Variants in BRCA2 observed in about 807,000 individuals in gnomAD.
The protein encoded by BRCA2 is breast cancer type 2 susceptibility protein.
Under a neutral mutation model 276.7 loss-of-function variants are expected in BRCA2, and 203 were observed. That is an observed-to-expected ratio of 0.73 (90% CI 0.65 to 0.82). The LOEUF (loss-of-function observed/expected upper bound fraction) is 0.82, where lower values mean the gene tolerates loss of function less well. Among genes scored for constraint, BRCA2 ranks in the 40% least tolerant of loss-of-function variants. The pLI is 0.00. For missense variants in BRCA2, 3,920 were observed against 3,915.0 expected (o/e 1.00, Z -0.03); for synonymous variants, 1,289 against 1,338.4 (o/e 0.96, Z 0.81).
At position 32,354,981 on chromosome 13, in the gene BRCA2, A is replaced by G. The variant is rs2137556149; in HGVS notation, c.7128A>G (p.Ala2376=). 6.2e-7 allele frequency: 1 copy of G among 1,613,608 alleles called. No homozygotes were observed. Among genetic ancestry groups the G allele is most frequent in the Non-Finnish European group, 8.5e-7 (1 of 1,179,600 alleles). Residue 2376 remains alanine, a synonymous_variant, in exon 14 of 27, where the codon GCA becomes GCG. Transcript: ENST00000380152. ...LTLEKSSSNL[A]VSGHPFYQVS... is the part of the protein sequence containing the mutation. ...TGGAAAAATCTTCAAGCAATTTAGCAGTTTCAGGACATCCATTTTATCAAG... is the reference window on the plus strand; with the variant it reads ...TGGAAAAATCTTCAAGCAATTTAGCGGTTTCAGGACATCCATTTTATCAAG...
chr13:32,351,824 CAGAGT>C (rs1460936515), intron 13 of BRCA2, among the ~76,000 whole-genome samples: 6 of 151,636 alleles, frequency 4.0e-5, no homozygotes, highest in African/African-American at 1.2e-4. Flanking sequence ...TATTTTGATA[CAGAGT>C]CTCACTCTGT....
Position 32,319,183 on chromosome 13 carries a change from A to G in BRCA2, c.174A>G (p.Glu58=), listed in dbSNP as rs924234502. 6.2e-7 allele frequency: 1 copy of G among 1,614,134 alleles called. No homozygotes were observed. ...EESEHKNNNY[E]PNLFKTPQRK... ...CTGAACATAAAAACAACAATTACGAACCAAACCTATTTAAAACTCCACAAA... is the reference window on the plus strand; with the variant it reads ...CTGAACATAAAAACAACAATTACGAGCCAAACCTATTTAAAACTCCACAAA... The change falls in exon 3 of 27, where the codon GAA becomes GAG. Residue 58 remains glutamate (E), a synonymous_variant. Coordinates refer to ENST00000380152, the MANE Select transcript of BRCA2 (RefSeq NM_000059.4).
intron 20 of BRCA2, among the ~76,000 whole-genome samples, chr13:32,373,618 C>T (rs2072851125): frequency 6.6e-6 from 1 of 152,236 alleles, no homozygotes; most frequent in African/African-American, 2.4e-5. Context: ...GTCTCACATC[C>T]AGGGCATGCT....
chr13:32,326,631 GT>G lies in BRCA2; in HGVS notation c.631+19del. 1 of 1,539,242 alleles carries G rather than the reference GT, an allele frequency of 6.5e-7. No homozygotes were observed. The highest frequency in any genetic ancestry group is 9.0e-7 in the Non-Finnish European group (1 of 1,114,416). On this transcript the variant is annotated intron_variant, in intron 7 of 26. Transcript: ENST00000380152. ...GCTCATAGGTAATAATAGCAAATGT[GT>G]ATTTACAAGAAAGAGCAGATGAGGT... is the stretch of plus-strand genomic sequence containing the variant.
At chr13:32,329,750 C>T (rs1400950450) in intron 8 of BRCA2, among the ~76,000 whole-genome samples, 1 of 151,808 alleles carries the variant, frequency 6.6e-6, no homozygotes, top group African/African-American at 2.4e-5. Flanking sequence ...CCAGTGAATG[C>T]TTGAAACCTT....
chr13:32,330,208 A>T (rs1379247243), intron 8 of BRCA2, among the ~76,000 whole-genome samples: 1 of 152,154 alleles, frequency 6.6e-6, no homozygotes. Context: ...CAACCTGTTC[A>T]TGTTTTCTAC....
intron 18 of BRCA2, among the ~76,000 whole-genome samples, chr13:32,369,001 G>T (rs1376256524): frequency 1.3e-5 from 2 of 151,732 alleles, no homozygotes; most frequent in Non-Finnish European, 2.9e-5. Flanking sequence ...GTAGAGACGG[G>T]GTTTCACCAT....
At chr13:32,365,937 C>A (rs1432817899) in intron 18 of BRCA2, among the ~76,000 whole-genome samples, 2 of 151,490 alleles carry the variant, frequency 1.3e-5, no homozygotes, top group South Asian at 2.1e-4. Context: ...CTATAATTTT[C>A]TTGTCTTTTC....
intron 18 of BRCA2, among the ~76,000 whole-genome samples, chr13:32,368,313 T>C (rs962370797): frequency 6.6e-5 from 10 of 151,962 alleles, no homozygotes; most frequent in Admixed American, 6.6e-4. Context: ...AGCCTGTAAA[T>C]CCAGAAAAGG....
chr13:32,346,973 AAAT>A, intron 13 of BRCA2, 77 bp downstream of exon 13: 1 of 1,113,642 alleles, frequency 9.0e-7, no homozygotes, highest in Non-Finnish European at 1.3e-6. Context: ...ACATTTCTAA[AAAT>A]AATGACACTA....
intron 4 of BRCA2, 61 bp from the exon 5 acceptor site, chr13:32,326,040 A>G (rs927355491): frequency 2.1e-6 from 3 of 1,401,940 alleles, no homozygotes; most frequent in South Asian, 2.5e-5. Flanking sequence ...TAAAAATAAG[A>G]TAAACTAGTT....
At chr13:32,330,896 A>G (rs2137460971) in intron 8 of BRCA2, 23 bp from the exon 9 acceptor site, 1 of 1,450,188 alleles carries the variant, frequency 6.9e-7, no homozygotes, top group East Asian at 2.3e-5. Flanking sequence ...TATACTAGTG[A>G]TTTTAAACTA....
intron 20 of BRCA2, among the ~76,000 whole-genome samples, chr13:32,372,831 T>A (rs1203027760): frequency 1.3e-5 from 2 of 152,128 alleles, no homozygotes; most frequent in African/African-American, 4.8e-5. Context: ...ACAAATCTCT[T>A]CCACCTATGA....
rs1223500815 is a variant in BRCA2 at position 32,336,560 on chromosome 13, T to C, written c.2205T>C (p.Ala735=). Residue 735 remains alanine (A), a synonymous_variant, in exon 11 of 27, where the codon GCT becomes GCC. Coordinates refer to ENST00000380152, the MANE Select transcript of BRCA2 (RefSeq NM_000059.4). ...KVSDIKEEVL[A]AACHPVQHSK... is the part of the protein sequence containing the mutation. ...CAGATATAAAAGAAGAGGTCTTGGC[T>C]GCAGCATGTCACCCAGTACAACATT... 1 of 1,613,988 alleles carries C rather than the reference T, an allele frequency of 6.2e-7. No homozygotes were observed.
At chr13:32,351,225 A>G (rs2072648106) in intron 13 of BRCA2, among the ~76,000 whole-genome samples, 1 of 152,160 alleles carries the variant, frequency 6.6e-6, no homozygotes, top group African/African-American at 2.4e-5. Flanking sequence ...TGTAACACTC[A>G]CCACGAAGGT....
intron 2 of BRCA2, among the ~76,000 whole-genome samples, chr13:32,318,751 G>A (rs2072281607): frequency 6.6e-6 from 1 of 152,032 alleles, no homozygotes; most frequent in South Asian, 2.1e-4. Context: ...TTTTATCGTG[G>A]AATGTATTCT....
rs1555284235 is a variant in BRCA2 at position 32,339,814 on chromosome 13, G to A, written c.5459G>A (p.Cys1820Tyr). The change falls in exon 11 of 27, where the codon TGC becomes TAC. Residue 1820 changes from cysteine to tyrosine, a missense_variant. Cys to Tyr is a radical substitution (Grantham distance 194). Coordinates refer to ENST00000380152, the MANE Select transcript of BRCA2 (RefSeq NM_000059.4). ...GAACTTGTGACTAGCTCTTCACCCT[G>A]CAAAAATAAAAATGCAGCCATTAAA... is the stretch of plus-strand genomic sequence containing the variant. ...VEELVTSSSP[C>Y]KNKNAAIKLS... 6.2e-7 allele frequency: 1 copy of A among 1,613,754 alleles called. No homozygotes were observed.
intron 18 of BRCA2, among the ~76,000 whole-genome samples, chr13:32,367,985 GTCTTT>G (rs1427590998): frequency 8.5e-6 from 1 of 118,234 alleles, no homozygotes; most frequent in African/African-American, 3.1e-5. Context: ...AATTAGGGTT[GTCTTT>G]TCTTCTAATT....
intron 16 of BRCA2, among the ~76,000 whole-genome samples, chr13:32,361,047 T>C (rs1331140734): frequency 1.3e-5 from 2 of 152,132 alleles, no homozygotes; most frequent in Non-Finnish European, 2.9e-5. Context: ...GTGGAGATGT[T>C]AGGTAGGCAG....
Sources: gnomAD v4.1 joint callset for allele counts (sites outside exome capture counted in the v4.1 genomes callset) on GRCh38, gnomAD v4.1.1 for gene constraint, MANE v1.5 for transcripts, NCBI Gene and HGNC (gene_info 2026-07-23, HGNC 2026-07-21) for gene names.